FRMPD4: variants seen among roughly 807,000 people sequenced by gnomAD.
FRMPD4 encodes FERM and PDZ domain-containing protein 4.
FRMPD4 carries 22 observed loss-of-function variants against 94.1 expected under a neutral mutation model. That is an observed-to-expected ratio of 0.23 (90% confidence interval 0.17 to 0.33). The LOEUF (loss-of-function observed/expected upper bound fraction) is 0.33, where lower values mean the gene tolerates loss of function less well. Ranked by LOEUF, FRMPD4 falls within the 10% of genes least tolerant of loss-of-function variation. The probability of loss-of-function intolerance (pLI) is 1.00; values close to 1 mark genes in which losing one functional copy is unlikely to be tolerated. For synonymous variants in FRMPD4, 631 were observed against 548.6 expected (o/e 1.15, Z -2.10); for missense variants, 1,111 against 1,339.9 (o/e 0.83, Z 2.67).
At chrX:11,942,788 G>A (rs2054168094) in intron 3 of FRMPD4, among the ~76,000 whole-genome samples, 1 of 111,675 alleles carries the variant, frequency 9.0e-6, no homozygotes, top group Admixed American at 9.5e-5. Flanking sequence ...GCGACTGTCA[G>A]CACTAGCTAG....
intron 2 of FRMPD4, among the ~76,000 whole-genome samples, chrX:12,538,471 A>G (rs2058366453): frequency 8.9e-6 from 1 of 111,777 alleles, no homozygotes; most frequent in African/African-American, 3.3e-5. Flanking sequence ...AGCTTTGAAG[A>G]GAGTAGTGGT....
chrX:12,595,204 G>C (rs923804728), intron 2 of FRMPD4, among the ~76,000 whole-genome samples: 1 of 111,559 alleles, frequency 9.0e-6, no homozygotes, highest in Non-Finnish European at 1.9e-5. Context: ...AGACAGAAAG[G>C]CATAAAGAGC....
intron 1 of FRMPD4, among the ~76,000 whole-genome samples, chrX:12,345,257 C>G (rs780939597): frequency 9.1e-6 from 1 of 109,982 alleles, no homozygotes; most frequent in African/African-American, 3.3e-5. Context: ...TGGGTGGGTG[C>G]GTAGACTGTG....
chrX:12,372,300 C>A, intron 1 of FRMPD4, among the ~76,000 whole-genome samples: 1 of 113,343 alleles, frequency 8.8e-6, no homozygotes, highest in East Asian at 2.8e-4. Context: ...TGGTCTTTCC[C>A]AACCTTGGCT....
At chrX:12,037,960 A>T (rs370152200) in intron 3 of FRMPD4, among the ~76,000 whole-genome samples, 2 of 111,934 alleles carry the variant, frequency 1.8e-5, no homozygotes, top group African/African-American at 6.5e-5. Context: ...TGTATCAGTA[A>T]TTTGTTCCTT....
chrX:12,498,787 A>G lies in FRMPD4; in HGVS notation c.149A>G (p.Tyr50Cys). The change falls in exon 2 of 17, where the codon TAC becomes TGC. Residue 50 changes from tyrosine (Y) to cysteine (C), a missense_variant. Physicochemically the swap from Tyr to Cys is radical, Grantham distance 194. Coordinates refer to ENST00000675598, the MANE Select transcript of FRMPD4 (RefSeq NM_001368397.1). ...ACGGCAAACCGAGATGGGCGAGACT[A>G]CTTCATCAAGTAGGTTAAACAGATG... is the stretch of plus-strand genomic sequence containing the variant. ...EMTANRDGRD[Y>C]FINHMTQAIP... 1 of 1,084,350 alleles carries G rather than the reference A, an allele frequency of 9.2e-7. No individual in the cohort carries two copies. The highest frequency in any genetic ancestry group is 3.0e-5 in the East Asian group (1 of 33,199). 89.4% of individuals were successfully genotyped at this position (1,084,350 alleles called of 1,213,427 possible). A position where few individuals can be genotyped will look rare whatever the true frequency, so the allele number is the denominator to read the frequency against.
intron 2 of FRMPD4, among the ~76,000 whole-genome samples, chrX:12,591,910 G>T (rs1298603989): frequency 2.7e-5 from 3 of 111,550 alleles, no homozygotes; most frequent in African/African-American, 9.8e-5. Context: ...GACCTCAGAA[G>T]CAAGGTCTCT....
At chrX:12,701,716 C>G (rs190466094) in intron 9 of FRMPD4, among the ~76,000 whole-genome samples, 158 bp from the exon 10 acceptor site, 1 of 112,792 alleles carries the variant, frequency 8.9e-6, no homozygotes, top group East Asian at 2.8e-4. Context: ...AATACTGACT[C>G]GTTTCCAAGC....
intron 4 of FRMPD4, among the ~76,000 whole-genome samples, chrX:12,629,148 G>A (rs1022360668): frequency 8.0e-5 from 9 of 112,239 alleles, no homozygotes; most frequent in African/African-American, 2.6e-4. Context: ...AAATTTGGGC[G>A]GGGACACAGC....
At chrX:12,659,872 A>C (rs1375905063) in intron 4 of FRMPD4, among the ~76,000 whole-genome samples, 1 of 112,679 alleles carries the variant, frequency 8.9e-6, no homozygotes, top group Non-Finnish European at 1.9e-5. Flanking sequence ...TAAATGGACA[A>C]AAATTAGGTC....
chrX:12,508,946 C>G (rs1329071911), intron 2 of FRMPD4, among the ~76,000 whole-genome samples: 2 of 95,504 alleles, frequency 2.1e-5, no homozygotes, highest in Admixed American at 2.4e-4. Flanking sequence ...GAGCTGAGAT[C>G]GCACCATTGC....
At chrX:12,272,095 G>C (rs2054363255) in intron 1 of FRMPD4, among the ~76,000 whole-genome samples, 1 of 112,287 alleles carries the variant, frequency 8.9e-6, no homozygotes, top group Non-Finnish European at 1.9e-5. Flanking sequence ...TTTCTCATCT[G>C]TAAAATGGGG....
At chrX:12,481,569 A>G (rs1307743096) in intron 1 of FRMPD4, among the ~76,000 whole-genome samples, 1 of 110,958 alleles carries the variant, frequency 9.0e-6, no homozygotes, top group Non-Finnish European at 1.9e-5. Flanking sequence ...AACTGTAAAC[A>G]GTGGGTTAAC....
intron 3 of FRMPD4, among the ~76,000 whole-genome samples, chrX:11,920,105 C>G (rs1022833203): frequency 8.9e-6 from 1 of 111,740 alleles, no homozygotes; most frequent in African/African-American, 3.3e-5. Flanking sequence ...TCCTTCCCCC[C>G]ACCATTGTGT....
At chrX:12,148,045 A>G (rs905573142) in intron 1 of FRMPD4, among the ~76,000 whole-genome samples, 2 of 112,048 alleles carry the variant, frequency 1.8e-5, no homozygotes, top group Non-Finnish European at 3.8e-5. Context: ...TTGAGACATA[A>G]CAATATTGAA....
chrX:12,208,668 G>A (rs1378130581), intron 1 of FRMPD4, among the ~76,000 whole-genome samples: 2 of 111,458 alleles, frequency 1.8e-5, no homozygotes, highest in African/African-American at 6.5e-5. Context: ...ATAAAAATAG[G>A]CATATAATAC....
intron 1 of FRMPD4, among the ~76,000 whole-genome samples, chrX:11,844,186 G>A (rs1203224652): frequency 2.9e-5 from 3 of 102,758 alleles, no homozygotes; most frequent in East Asian, 3.1e-4. Context: ...TACTGGAGAC[G>A]AGTTTTCACT....
At chrX:12,113,332 T>TA (rs775624094) in intron 3 of FRMPD4, among the ~76,000 whole-genome samples, 107 of 112,385 alleles carry the variant, frequency 9.5e-4, no homozygotes, top group Non-Finnish European at 1.4e-3. Context: ...ACCACAAACT[T>TA]AGTGGCCTAA....
intron 1 of FRMPD4, among the ~76,000 whole-genome samples, chrX:11,848,855 C>G (rs772628508): frequency 3.0e-4 from 34 of 111,781 alleles, no homozygotes; most frequent in Non-Finnish European, 1.7e-4. Flanking sequence ...ACATCATACT[C>G]AATTGTGAAA....
Sources: allele counts gnomAD v4.1 joint callset (sites outside exome capture counted in the v4.1 genomes callset), GRCh38; gene constraint gnomAD v4.1.1; transcripts MANE v1.5; gene names NCBI Gene and HGNC (gene_info 2026-07-23, HGNC 2026-07-21).